The following NADSYN1 variants were observed in gnomAD, a reference collection of about 807,000 sequenced individuals.
The protein encoded by NADSYN1 is glutamine-dependent NAD(+) synthetase.
Under a neutral mutation model 99.3 loss-of-function variants are expected in NADSYN1, and 80 were observed. That is an observed-to-expected ratio of 0.81 (90% CI 0.67 to 0.97). The LOEUF (loss-of-function observed/expected upper bound fraction) is 0.97. Among genes scored for constraint, NADSYN1 ranks in the 50% least tolerant of loss-of-function variants. The pLI is 0.00. For synonymous variants in NADSYN1, 385 were observed against 372.1 expected, an observed-to-expected ratio of 1.03 and a Z score of -0.40; for missense variants, 859 against 948.5, an observed-to-expected ratio of 0.91 and a Z score of 1.24.
At chr11:71,482,144 G>A (rs1591131400) in intron 13 of NADSYN1, 119 bp downstream of exon 13, 1 of 843,836 alleles carries the variant, frequency 1.2e-6, no homozygotes, top group Non-Finnish European at 1.9e-6. Flanking sequence ...GGTGAAGGGG[G>A]CTTTGTGGCC....
chr11:71,488,396 G>A (rs944017385), intron 16 of NADSYN1, among the ~76,000 whole-genome samples: 6 of 152,094 alleles, frequency 3.9e-5, no homozygotes, highest in Non-Finnish European at 5.9e-5. Context: ...TGCGGGAGGC[G>A]AGGGTGGGTG....
chr11:71,462,117 A>G (rs1949554699), intron 3 of NADSYN1, among the ~76,000 whole-genome samples: 1 of 152,194 alleles, frequency 6.6e-6, no homozygotes, highest in Non-Finnish European at 1.5e-5. Flanking sequence ...CTCCAAGGTT[A>G]ACCTGAAAGA....
intron 20 of NADSYN1, among the ~76,000 whole-genome samples, chr11:71,500,552 T>C (rs1406474850): frequency 6.7e-6 from 1 of 149,600 alleles, no homozygotes; most frequent in Admixed American, 6.7e-5. Flanking sequence ...AATTCTTTGT[T>C]CCACGTGTTG....
chr11:71,480,729 A>C, intron 10 of NADSYN1, 26 bp from the exon 11 acceptor site: 1 of 1,613,868 alleles, frequency 6.2e-7, no homozygotes, highest in African/African-American at 1.3e-5. Context: ...GCTGGGAGTC[A>C]TTCTGTCTTG....
intron 15 of NADSYN1, chr11:71,484,731 G>A: frequency 2.5e-6 from 1 of 405,752 alleles, no homozygotes; most frequent in South Asian, 2.9e-5. Flanking sequence ...GTGCTCGAGT[G>A]TGTGCATGAG....
rs1770779425 is a variant in NADSYN1 at position 71,501,437 on chromosome 11, T to A, written c.*85T>A. On this transcript the variant is annotated 3_prime_UTR_variant, in exon 21 of 21. Coordinates refer to ENST00000319023, the MANE Select transcript of NADSYN1 (RefSeq NM_018161.5). ...TTGCTGGAGCCAAGGGTAGGAGCCCTACACTAGGAGCCCAGGATGGGACGG... is the reference window on the plus strand; with the variant it reads ...TTGCTGGAGCCAAGGGTAGGAGCCCAACACTAGGAGCCCAGGATGGGACGG... The A allele has an allele frequency of 7.4e-7, 1 of 1,353,592 alleles. No individual in the cohort carries two copies. The highest frequency in any genetic ancestry group is 2.5e-5 in the East Asian group (1 of 39,986). 83.8% of individuals were successfully genotyped at this position (1,353,592 alleles called of 1,614,324 possible). A position where few individuals can be genotyped will look rare whatever the true frequency, so the allele number is the denominator to read the frequency against.
At chr11:71,471,823 T>C (rs906311249) in intron 5 of NADSYN1, among the ~76,000 whole-genome samples, 1 of 152,128 alleles carries the variant, frequency 6.6e-6, no homozygotes, top group Non-Finnish European at 1.5e-5. Flanking sequence ...CCCAGAAGGC[T>C]CCTGGGAATT....
At chr11:71,485,381 A>C in intron 15 of NADSYN1, 161 bp from the exon 16 acceptor site, 2 of 521,906 alleles carry the variant, frequency 3.8e-6, no homozygotes, top group Non-Finnish European at 6.7e-6. Context: ...CCCGAGAGGA[A>C]GGCCTCGGGA....
chr11:71,485,279 G>A (rs1331386301), intron 15 of NADSYN1: 5 of 316,532 alleles, frequency 1.6e-5, no homozygotes, highest in Non-Finnish European at 2.9e-5. Flanking sequence ...CCTGCCACCA[G>A]TGCTCCCTCT....
rs768545737 is a variant in NADSYN1 at position 71,484,334 on chromosome 11, G to A, written c.1342G>A (p.Asp448Asn). The A allele has an allele frequency of 2.2e-5, 35 of 1,613,968 alleles. No individual in the cohort carries two copies. The highest frequency in any genetic ancestry group is 2.2e-5 in the Non-Finnish European group (26 of 1,179,946). ...IGSHHISLNI[D>N]PAVKAVMGIF... ...CAGCCACCACATCAGTCTCAACATC[G>A]ATCCAGCCGTGAAGGCCGTCATGGG... The change falls in exon 15 of 21, where the codon GAT becomes AAT. Residue 448 changes from aspartate to asparagine, a missense_variant. Physicochemically the swap from Asp to Asn is conservative, Grantham distance 23 (BLOSUM62 1). Coordinates refer to ENST00000319023, the MANE Select transcript of NADSYN1 (RefSeq NM_018161.5).
chr11:71,481,320 A>G (rs59487812), intron 11 of NADSYN1, 36 bp from the exon 12 acceptor site: 100,593 of 1,611,710 alleles, frequency 0.062, 4,013 homozygotes, highest in African/African-American at 0.14. Context: ...GGCAGGGGCC[A>G]CCGCCTCCGG....
intron 5 of NADSYN1, among the ~76,000 whole-genome samples, chr11:71,466,511 G>A (rs567508444): frequency 8.1e-4 from 123 of 152,312 alleles, no homozygotes; most frequent in Non-Finnish European, 1.0e-3. Flanking sequence ...TGCCAGACAC[G>A]GGCTGCAAGA....
intron 17 of NADSYN1, 123 bp downstream of exon 17, chr11:71,491,099 C>A: frequency 7.5e-7 from 1 of 1,331,790 alleles, no homozygotes; most frequent in Non-Finnish European, 1.0e-6. Context: ...TGGTCCTGCC[C>A]CTGAGCTGGC....
Position 71,473,289 on chromosome 11 carries a change from C to A in NADSYN1, c.471C>A (p.Pro157=). ...TCTTCCGACTGCAGGAAACCGTACC[C>A]TTCGGAGATGCGGTGCTGGTGACAT... ...IQDLTKQETV[P]FGDAVLVTWD... The change falls in exon 7 of 21, where the codon CCC becomes CCA. Residue 157 remains proline, a synonymous_variant. Coordinates refer to ENST00000319023, the MANE Select transcript of NADSYN1 (RefSeq NM_018161.5). The A allele has an allele frequency of 1.2e-6, 2 of 1,614,172 alleles. No homozygotes were observed. The highest frequency in any genetic ancestry group is 1.7e-6 in the Non-Finnish European group (2 of 1,180,028).
chr11:71,497,243 G>A, intron 18 of NADSYN1: 2 of 498,168 alleles, frequency 4.0e-6, no homozygotes, highest in Admixed American at 3.3e-5. Context: ...GCGCTCCTTG[G>A]TGAGCCACCG....
intron 16 of NADSYN1, 35 bp from the exon 17 acceptor site, chr11:71,490,810 T>C (rs1473588889): frequency 1.2e-6 from 2 of 1,611,532 alleles, no homozygotes; most frequent in African/African-American, 1.3e-5. Context: ...CTGCGGCCCC[T>C]TGGGAACCCG....
chr11:71,462,898 G>A (rs951924053), intron 3 of NADSYN1, among the ~76,000 whole-genome samples: 3 of 152,132 alleles, frequency 2.0e-5, no homozygotes, highest in Non-Finnish European at 2.9e-5. Context: ...CAGCCAGGCC[G>A]CCCTCTCCTG....
chr11:71,498,619 A>G (rs897333522), intron 20 of NADSYN1, 91 bp downstream of exon 20: 2 of 1,428,290 alleles, frequency 1.4e-6, no homozygotes, highest in African/African-American at 1.4e-5. Context: ...AAACTTTCTT[A>G]TATACACAGT....
intron 18 of NADSYN1, among the ~76,000 whole-genome samples, chr11:71,493,797 CTGT>C (rs1441343446): frequency 6.6e-6 from 1 of 152,000 alleles, no homozygotes; most frequent in African/African-American, 2.4e-5. Flanking sequence ...GTGTTTTAAG[CTGT>C]TATTATATGA....
Sources: allele counts gnomAD v4.1 joint callset (sites outside exome capture counted in the v4.1 genomes callset), GRCh38; gene constraint gnomAD v4.1.1; transcripts MANE v1.5; gene names NCBI Gene and HGNC (gene_info 2026-07-23, HGNC 2026-07-21).